MYZAP: variants seen among roughly 807,000 people sequenced by gnomAD.
The protein encoded by MYZAP is myocardial zonula adherens protein, also known as GRINL1A complex locus upstream.
A neutral mutation model predicts 69.4 loss-of-function variants in MYZAP; 66 were observed. The ratio of observed to expected loss-of-function variants is 0.95; its 90% CI spans 0.78 to 1.17. The LOEUF is 1.17. Among genes scored for constraint, MYZAP ranks in the 50% most tolerant of loss-of-function variants. The pLI is 0.00. For missense variants in MYZAP, 611 were observed against 556.2 expected (o/e 1.10, Z -0.99); for synonymous variants, 256 against 205.9 (o/e 1.24, Z -2.09).
chr15:57,682,248 G>A (rs1432556792), intron 12 of MYZAP, among the ~76,000 whole-genome samples: 2 of 152,182 alleles, frequency 1.3e-5, no homozygotes, highest in African/African-American at 2.4e-5. Flanking sequence ...GAGAGAGAGA[G>A]CGTGGGGGAT....
At chr15:57,613,572 T>C (rs1334474495) in intron 2 of MYZAP, among the ~76,000 whole-genome samples, 2 of 151,706 alleles carry the variant, frequency 1.3e-5, no homozygotes, top group African/African-American at 4.9e-5. Flanking sequence ...ATTTTTACCA[T>C]GTTGCCCAGG....
chr15:57,629,972 T>C (rs1479207701), intron 6 of MYZAP, 118 bp downstream of exon 6: 1 of 406,380 alleles, frequency 2.5e-6, no homozygotes, highest in Non-Finnish European at 3.3e-6. Flanking sequence ...CTTCATTGGA[T>C]TTTTTTTTTT....
intron 5 of MYZAP, among the ~76,000 whole-genome samples, chr15:57,629,088 C>CAGAAAAAAAAAAAAA (rs2036334509): frequency 8.7e-6 from 1 of 115,082 alleles, no homozygotes. Flanking sequence ...GTCTCAAAAA[C>CAGAAAAAAAAAAAAA]AAAAAAAAAA....
chr15:57,676,518 T>C (rs1051243075), intron 12 of MYZAP, among the ~76,000 whole-genome samples: 1 of 150,220 alleles, frequency 6.7e-6, no homozygotes, highest in East Asian at 1.9e-4. Flanking sequence ...TTTTCATATA[T>C]GAAAATATAA....
chr15:57,592,235 A>G, intron 1 of MYZAP, 126 bp downstream of exon 1: 1 of 865,160 alleles, frequency 1.2e-6, no homozygotes, highest in South Asian at 4.8e-5. Flanking sequence ...CCTGGGCTCA[A>G]CTCCCCGGTC....
At chr15:57,617,655 G>T (rs1295948254) in intron 2 of MYZAP, among the ~76,000 whole-genome samples, 1 of 152,174 alleles carries the variant, frequency 6.6e-6, no homozygotes, top group Non-Finnish European at 1.5e-5. Flanking sequence ...TAGTGATGAG[G>T]TTGAAGTCAT....
chr15:57,662,039 C>T lies in MYZAP; in HGVS notation c.1203+506C>T, dbSNP rs570228681. ...AAAGACTCCTAAATCCAGTGCTCTC[C>T]TGTCACAGCGAGTGAAGATGTGTTA... On this transcript the variant is annotated intron_variant, in intron 11 of 12. Transcript: ENST00000267853. 5.9e-5 allele frequency among the ~76,000 whole-genome samples: 9 copies of T among 152,308 alleles called. No individual in the cohort carries two copies. In the South Asian group the frequency reaches 1.9e-3, roughly 32 times the overall value.
chr15:57,677,069 G>C (rs1540397), intron 12 of MYZAP, among the ~76,000 whole-genome samples: 138,237 of 152,244 alleles, frequency 0.91, 64,020 homozygotes, highest in Non-Finnish European at 1. Context: ...AGGCGCCAGG[G>C]AAGTCTGGGT....
At chr15:57,676,455 T>C (rs8039408) in intron 12 of MYZAP, among the ~76,000 whole-genome samples, 133,876 of 143,082 alleles carry the variant, frequency 0.94, 63,194 homozygotes, top group Non-Finnish European at 1. Flanking sequence ...TATATATATA[T>C]ATACATATAT....
At chr15:57,647,858 T>C (rs2037521900) in intron 10 of MYZAP, 1 of 985,316 alleles carries the variant, frequency 1.0e-6, no homozygotes, top group Admixed American at 6.1e-5. Flanking sequence ...ATTCACCTCT[T>C]TCCTGCCTGT....
chr15:57,665,801 C>G (rs1035439553), intron 11 of MYZAP, among the ~76,000 whole-genome samples: 2 of 152,200 alleles, frequency 1.3e-5, no homozygotes, highest in Non-Finnish European at 2.9e-5. Context: ...ATGTCACAAT[C>G]AGAGCTTTTT....
chr15:57,630,783 T>C (rs1013784109), intron 6 of MYZAP, among the ~76,000 whole-genome samples: 4 of 152,208 alleles, frequency 2.6e-5, no homozygotes, highest in Admixed American at 6.5e-5. Context: ...AGTCTGTGGT[T>C]TGAAAATTTT....
intron 3 of MYZAP, among the ~76,000 whole-genome samples, chr15:57,621,007 T>C (rs1308987536): frequency 1.4e-5 from 2 of 148,086 alleles, no homozygotes; most frequent in African/African-American, 4.9e-5. Context: ...TATTAGCATA[T>C]ATTTGATATA....
intron 1 of MYZAP, among the ~76,000 whole-genome samples, chr15:57,603,129 T>A (rs1376814268): frequency 6.6e-6 from 1 of 152,186 alleles, no homozygotes; most frequent in African/African-American, 2.4e-5. Flanking sequence ...TCAGTGAAAT[T>A]TTTTGGCAGC....
chr15:57,641,442 A>T (rs1485722539), intron 10 of MYZAP, among the ~76,000 whole-genome samples: 1 of 152,164 alleles, frequency 6.6e-6, no homozygotes, highest in Non-Finnish European at 1.5e-5. Flanking sequence ...GTGTGTAGGG[A>T]TGCATATAAA....
intron 8 of MYZAP, among the ~76,000 whole-genome samples, chr15:57,637,165 C>A (rs2036865359): frequency 6.6e-6 from 1 of 152,198 alleles, no homozygotes. Context: ...TTAATCACAT[C>A]TGCAGAATTC....
At chr15:57,604,386 A>G (rs768404027) in intron 2 of MYZAP, 31 bp downstream of exon 2, 1 of 1,613,256 alleles carries the variant, frequency 6.2e-7, no homozygotes, top group South Asian at 1.1e-5. Flanking sequence ...AGCCCCAACA[A>G]GTTCCAGCCT....
At chr15:57,651,729 T>A (rs1258324764) in intron 10 of MYZAP, among the ~76,000 whole-genome samples, 1 of 152,222 alleles carries the variant, frequency 6.6e-6, no homozygotes, top group African/African-American at 2.4e-5. Flanking sequence ...CATAGGGTTG[T>A]TTCTGAGAAT....
At chr15:57,677,334 C>T (rs2039192680) in intron 12 of MYZAP, among the ~76,000 whole-genome samples, 4 of 152,306 alleles carry the variant, frequency 2.6e-5, no homozygotes, top group East Asian at 1.9e-4. Flanking sequence ...TGGGCAAAAA[C>T]AAATTGGAAC....
Sources: gnomAD v4.1 joint callset for allele counts (sites outside exome capture counted in the v4.1 genomes callset) on GRCh38, gnomAD v4.1.1 for gene constraint, MANE v1.5 for transcripts, NCBI Gene and HGNC (gene_info 2026-07-23, HGNC 2026-07-21) for gene names.